CCL28: variants seen among roughly 807,000 people sequenced by gnomAD.
CCL28 encodes the protein C-C motif chemokine 28.
A neutral mutation model predicts 7.1 loss-of-function variants in CCL28; 4 were observed. That is an observed-to-expected ratio of 0.56 (90% confidence interval 0.28 to 1.29). The LOEUF is 1.29. Ranked by LOEUF, CCL28 falls within the 50% of genes most tolerant of loss-of-function variation. CCL28 has a pLI of 0.11. For synonymous variants in CCL28, 55 were observed against 57.8 expected (o/e 0.95, Z 0.22); for missense variants, 151 against 163.4 (o/e 0.92, Z 0.41).
At chr5:43,365,256 G>C in the CCL28 span, among the ~76,000 whole-genome samples, 2 of 152,098 alleles carry the variant, frequency 1.3e-5, no homozygotes, top group Non-Finnish European at 2.9e-5. Context: ...ACCCACCTCA[G>C]CTTCCCAAAG....
chr5:43,384,671 T>A (rs1350001062), intron 2 of CCL28, among the ~76,000 whole-genome samples: 1 of 151,772 alleles, frequency 6.6e-6, no homozygotes, highest in Non-Finnish European at 1.5e-5. Flanking sequence ...CTCAGGAGGA[T>A]AGCTGGAGAT....
chr5:43,409,271 C>T (rs192587785), intron 1 of CCL28, among the ~76,000 whole-genome samples: 162 of 152,196 alleles, frequency 1.1e-3, no homozygotes, highest in African/African-American at 3.4e-3. Flanking sequence ...ACTAAAAATA[C>T]AAAAATTAGC....
intron 1 of CCL28, among the ~76,000 whole-genome samples, chr5:43,410,529 A>G (rs1423779847): frequency 6.6e-6 from 1 of 151,558 alleles, no homozygotes; most frequent in Non-Finnish European, 1.5e-5. Context: ...CTTTTCACAC[A>G]CCTCTGCATT....
rs899882659 is a variant in CCL28 at position 43,381,595 on chromosome 5, A to T, written c.*265T>A. Reference sequence around the variant, plus strand: ...GGCTGGTCTCAAACTCCTGGTCTCAAGTGATCCTCCTGCCTCAGCCTCCCG... The same window carrying T: ...GGCTGGTCTCAAACTCCTGGTCTCATGTGATCCTCCTGCCTCAGCCTCCCG... On this transcript the variant is annotated 3_prime_UTR_variant, in exon 3 of 3. Coordinates refer to ENST00000361115, the MANE Select transcript of CCL28 (RefSeq NM_148672.3). 2.8e-5 allele frequency: 9 copies of T among 319,814 alleles called. No individual in the cohort carries two copies. The highest frequency in any genetic ancestry group is 4.5e-5 in the Non-Finnish European group (8 of 176,016). 19.8% of individuals were successfully genotyped at this position (319,814 alleles called of 1,614,324 possible). A position where few individuals can be genotyped will look rare whatever the true frequency, so the allele number is the denominator to read the frequency against.
intron 1 of CCL28, among the ~76,000 whole-genome samples, chr5:43,394,268 C>T (rs1740708878): frequency 6.6e-6 from 1 of 152,162 alleles, no homozygotes; most frequent in South Asian, 2.1e-4. Context: ...AATAAGTCTT[C>T]CCACTCAATT....
chr5:43,382,122 A>G, intron 2 of CCL28, 70 bp from the exon 3 acceptor site: 1 of 1,377,924 alleles, frequency 7.3e-7, no homozygotes, highest in Non-Finnish European at 9.9e-7. Context: ...AGTGACTTAC[A>G]TGCAGCTCCC....
chr5:43,399,870 C>G (rs1740961182), intron 1 of CCL28, among the ~76,000 whole-genome samples: 1 of 146,714 alleles, frequency 6.8e-6, no homozygotes, highest in Non-Finnish European at 1.5e-5. Flanking sequence ...TTTTGGGAGA[C>G]CGTCTTGTTC....
intron 1 of CCL28, among the ~76,000 whole-genome samples, chr5:43,407,497 A>G (rs1278738092): frequency 6.6e-6 from 1 of 152,236 alleles, no homozygotes; most frequent in African/African-American, 2.4e-5. Flanking sequence ...TTAATTCAAG[A>G]TGGATTAAAG....
At chr5:43,389,667 A>G (rs1166080367) in intron 1 of CCL28, among the ~76,000 whole-genome samples, 1 of 152,242 alleles carries the variant, frequency 6.6e-6, no homozygotes, top group Non-Finnish European at 1.5e-5. Flanking sequence ...GGGGGCCTAT[A>G]TATACTTAGT....
chr5:43,407,951 C>T (rs779852), intron 1 of CCL28, among the ~76,000 whole-genome samples: 1 of 152,192 alleles, frequency 6.6e-6, no homozygotes, highest in Admixed American at 6.5e-5. Flanking sequence ...TACCATCTCA[C>T]ACCAGTTAGA....
downstream of CCL28, among the ~76,000 whole-genome samples, chr5:43,373,803 T>C (rs542351012): frequency 2.0e-5 from 3 of 152,346 alleles, no homozygotes; most frequent in South Asian, 4.1e-4. Flanking sequence ...TTTAGCAAAG[T>C]TGGTCTTCCA....
Position 43,381,079 on chromosome 5 carries a change from C to A in CCL28, c.*781G>T, listed in dbSNP as rs190001795. 3 of 151,594 alleles carry A rather than the reference C, an allele frequency of 2.0e-5. No individual in the cohort carries two copies. Among genetic ancestry groups the A allele is most frequent in the Non-Finnish European group, 4.4e-5 (3 of 67,928 alleles). The allele number at this position is 151,594 out of a possible 1,614,324, so 9.4% of individuals were successfully genotyped here. A position where few individuals can be genotyped will look rare whatever the true frequency, so the allele number is the denominator to read the frequency against. On this transcript the variant is annotated 3_prime_UTR_variant, in exon 3 of 3. Transcript: ENST00000361115. ...TTTTAGGGTATGTCAAGTTATAACACCAAAAAGAAACTAGGGGTGAAGTGT... is the reference window on the plus strand; with the variant it reads ...TTTTAGGGTATGTCAAGTTATAACAACAAAAAGAAACTAGGGGTGAAGTGT...
intron 2 of CCL28, among the ~76,000 whole-genome samples, chr5:43,386,804 A>C (rs927729642): frequency 6.6e-6 from 1 of 152,136 alleles, no homozygotes; most frequent in African/African-American, 2.4e-5. Flanking sequence ...ATCCCTCTGA[A>C]AGGGGGGAAA....
chr5:43,365,288 C>A, the CCL28 span, among the ~76,000 whole-genome samples: 1 of 152,158 alleles, frequency 6.6e-6, no homozygotes, highest in East Asian at 1.9e-4. Flanking sequence ...CAGGCATGAG[C>A]CACTGTGCCC....
chr5:43,373,127 C>T (rs537547457), downstream of CCL28, among the ~76,000 whole-genome samples: 20 of 151,936 alleles, frequency 1.3e-4, no homozygotes, highest in East Asian at 5.8e-4. Flanking sequence ...TGTGTTTTGG[C>T]GAACATATTC....
At chr5:43,401,777 C>T (rs1189145075) in intron 1 of CCL28, among the ~76,000 whole-genome samples, 1 of 152,112 alleles carries the variant, frequency 6.6e-6, no homozygotes, top group Admixed American at 6.6e-5. Context: ...ATTTATTTTC[C>T]CTCAGTTTCA....
intron 1 of CCL28, among the ~76,000 whole-genome samples, chr5:43,388,966 A>G (rs1740452864): frequency 6.6e-6 from 1 of 152,380 alleles, no homozygotes; most frequent in African/African-American, 2.4e-5. Context: ...AATAAGTGTT[A>G]AAGAGTTATG....
At position 43,380,813 on chromosome 5, in the gene CCL28, A is replaced by C. The variant is rs1326012346; in HGVS notation, c.*1047T>G. ...ACACAGCAAGACCCTCCCTCAACAA[A>C]ATAATTTTAAAAATTAAAAAAAAAA... On this transcript the variant is annotated 3_prime_UTR_variant, in exon 3 of 3. Coordinates refer to ENST00000361115, the MANE Select transcript of CCL28 (RefSeq NM_148672.3). 3 of 152,118 alleles carry C rather than the reference A, an allele frequency of 2.0e-5. No individual in the cohort carries two copies. The highest frequency in any genetic ancestry group is 4.4e-5 in the Non-Finnish European group (3 of 68,030). 9.4% of individuals were successfully genotyped at this position (152,118 alleles called of 1,614,324 possible).
the CCL28 span, among the ~76,000 whole-genome samples, chr5:43,358,671 C>T: frequency 6.6e-6 from 1 of 152,186 alleles, no homozygotes; most frequent in African/African-American, 2.4e-5. Flanking sequence ...GTAATAGTTA[C>T]TGAGCAACTC....
Sources: gnomAD v4.1 joint callset for allele counts (sites outside exome capture counted in the v4.1 genomes callset) on GRCh38, gnomAD v4.1.1 for gene constraint, MANE v1.5 for transcripts, NCBI Gene and HGNC (gene_info 2026-07-23, HGNC 2026-07-21) for gene names.